Variants in RELL1 observed in about 807,000 individuals in gnomAD.
The protein encoded by RELL1 is RELT-like protein 1.
RELL1 carries 10 observed loss-of-function variants against 23.0 expected under a neutral mutation model. The observed-to-expected ratio is 0.43, with a 90% CI of 0.27 to 0.74. RELL1 has a LOEUF of 0.74. RELL1 is among the 30% of genes least tolerant of loss of function. The pLI is 0.19. For missense variants in RELL1, 315 were observed against 364.4 expected, an observed-to-expected ratio of 0.86 and a Z score of 1.10; for synonymous variants, 146 against 146.8, an observed-to-expected ratio of 0.99 and a Z score of 0.04.
At chr4:37,657,068 C>T (rs1282349443) in intron 1 of RELL1, among the ~76,000 whole-genome samples, 1 of 152,164 alleles carries the variant, frequency 6.6e-6, no homozygotes, top group Non-Finnish European at 1.5e-5. Context: ...CCTTCAGTTT[C>T]TAATTTAGGA....
chr4:37,686,134 C>T, intron 1 of RELL1, 66 bp downstream of exon 1: 2 of 1,391,674 alleles, frequency 1.4e-6, no homozygotes, highest in East Asian at 2.6e-5. Flanking sequence ...CCCGACCCCT[C>T]GCTTCCTTCC....
downstream of RELL1, among the ~76,000 whole-genome samples, chr4:37,607,546 T>A (rs1323893236): frequency 1.3e-5 from 2 of 151,838 alleles, no homozygotes; most frequent in Non-Finnish European, 2.9e-5. Context: ...ACCCTGCAAG[T>A]CGAGAAGGTC....
At chr4:37,638,812 C>T (rs927718026) in intron 3 of RELL1, among the ~76,000 whole-genome samples, 5 of 152,196 alleles carry the variant, frequency 3.3e-5, no homozygotes, top group African/African-American at 1.2e-4. Flanking sequence ...ACCCCCTCAC[C>T]CCACACCAAC....
intron 2 of RELL1, 21 bp from the exon 3 acceptor site, chr4:37,647,460 G>A: frequency 1.9e-6 from 3 of 1,568,624 alleles, no homozygotes; most frequent in Non-Finnish European, 2.6e-6. Context: ...AAAGAGGAGG[G>A]GAGAACAGGT....
chr4:37,681,588 G>A (rs1195974447), intron 1 of RELL1, among the ~76,000 whole-genome samples: 1 of 139,636 alleles, frequency 7.2e-6, no homozygotes, highest in Non-Finnish European at 1.5e-5. Flanking sequence ...GAGTGCAGTG[G>A]CACGATCTCA....
chr4:37,662,734 A>C lies in RELL1; in HGVS notation c.89-13234T>G, dbSNP rs79605006. Among the ~76,000 whole-genome samples, 2,521 of 152,114 alleles carry C rather than the reference A, an allele frequency of 0.017. 168 individuals carry two copies. The South Asian group carries it at 0.18, about 11-fold the overall frequency. ...TGAAGTTATTTCTTAAAGCCACAGA[A>C]CTCCAACACAGATGACAGCTACAGC... is the stretch of plus-strand genomic sequence containing the variant. On this transcript the variant is annotated intron_variant, in intron 1 of 6. Transcript: ENST00000454158.
intron 1 of RELL1, among the ~76,000 whole-genome samples, chr4:37,650,106 C>G (rs6836725): frequency 0.017 from 2,652 of 152,290 alleles, 87 homozygotes; most frequent in African/African-American, 0.061. Context: ...TGTAAACTAG[C>G]AAGCAACATA....
At chr4:37,593,120 T>C (rs1039391711) in intron 6 of RELL1, among the ~76,000 whole-genome samples, 4 of 152,266 alleles carry the variant, frequency 2.6e-5, no homozygotes, top group Admixed American at 1.3e-4. Flanking sequence ...TTAATTGCAT[T>C]AGAGGTATGT....
chr4:37,647,466 C>A (rs753349485), intron 2 of RELL1, 27 bp from the exon 3 acceptor site: 2 of 1,540,280 alleles, frequency 1.3e-6, no homozygotes, highest in Non-Finnish European at 1.8e-6. Flanking sequence ...GAGGGGAGAA[C>A]AGGTTACAAT....
chr4:37,660,236 G>A (rs1274823269), intron 1 of RELL1, among the ~76,000 whole-genome samples: 2 of 152,000 alleles, frequency 1.3e-5, no homozygotes, highest in Admixed American at 6.6e-5. Flanking sequence ...CTACCTGTGT[G>A]ATACTGAACA....
At chr4:37,608,995 T>C (rs947383962), downstream of RELL1, among the ~76,000 whole-genome samples, 7 of 152,170 alleles carry the variant, frequency 4.6e-5, no homozygotes, top group African/African-American at 1.7e-4. Context: ...AAGCAGCAAG[T>C]GCTAATTTAG....
At chr4:37,601,917 G>A (rs1289261423) in intron 6 of RELL1, among the ~76,000 whole-genome samples, 2 of 152,106 alleles carry the variant, frequency 1.3e-5, no homozygotes, top group Admixed American at 1.3e-4. Context: ...TGAATCTGGG[G>A]CTTGAAAGCA....
At chr4:37,600,780 C>T (rs62297168) in intron 6 of RELL1, among the ~76,000 whole-genome samples, 45 of 147,674 alleles carry the variant, frequency 3.0e-4, no homozygotes, top group African/African-American at 6.8e-4. Flanking sequence ...TGGATTTGTG[C>T]GTGTGTGTGT....
At chr4:37,595,565 G>A (rs1382934127) in intron 6 of RELL1, among the ~76,000 whole-genome samples, 1 of 58,978 alleles carries the variant, frequency 1.7e-5, no homozygotes, top group Admixed American at 1.5e-4. Context: ...GGATTGTGCT[G>A]GATTGTGACA....
At chr4:37,683,843 A>T (rs370439220) in intron 1 of RELL1, among the ~76,000 whole-genome samples, 1 of 152,082 alleles carries the variant, frequency 6.6e-6, no homozygotes, top group African/African-American at 2.4e-5. Flanking sequence ...GCACTTTGGG[A>T]GGCCAAGGTG....
At chr4:37,598,976 C>T (rs895323577) in intron 6 of RELL1, among the ~76,000 whole-genome samples, 3 of 152,082 alleles carry the variant, frequency 2.0e-5, no homozygotes, top group African/African-American at 4.8e-5. Context: ...TGAGCCACCG[C>T]GCCTGGCCCA....
chr4:37,679,655 C>T lies in RELL1; in HGVS notation c.88+6545G>A, dbSNP rs146287344. Among the ~76,000 whole-genome samples, 460 of 152,162 alleles carry T rather than the reference C, an allele frequency of 3.0e-3. 3 individuals carry two copies. Among genetic ancestry groups the T allele is most frequent in the African/African-American group, 0.011 (445 of 41,522 alleles). ...AATAGTCAAGATAGAATAATATATA[C>T]CATAGAACCACACATTAGGCTGGGT... On this transcript the variant is annotated intron_variant, in intron 1 of 6. Transcript: ENST00000454158.
chr4:37,609,537 G>A (rs140591271), downstream of RELL1, among the ~76,000 whole-genome samples: 12 of 152,330 alleles, frequency 7.9e-5, no homozygotes, highest in African/African-American at 1.4e-4. Flanking sequence ...TACAGCCGCC[G>A]TAGACAGTGA....
intron 1 of RELL1, among the ~76,000 whole-genome samples, chr4:37,661,775 TA>T (rs1158754450): frequency 3.3e-5 from 5 of 152,202 alleles, no homozygotes; most frequent in Non-Finnish European, 5.9e-5. Flanking sequence ...AGCTCAAGAA[TA>T]TGTTGTAGAG....
Sources: gnomAD v4.1 joint callset for allele counts (sites outside exome capture counted in the v4.1 genomes callset) on GRCh38, gnomAD v4.1.1 for gene constraint, MANE v1.5 for transcripts, NCBI Gene and HGNC (gene_info 2026-07-23, HGNC 2026-07-21) for gene names.